FBXL20: variants seen among roughly 807,000 people sequenced by gnomAD.
The protein encoded by FBXL20 is F-box and leucine rich repeat protein 20.
In FBXL20, 11 loss-of-function variants were observed where a neutral mutation model predicts 64.0. The ratio of observed to expected loss-of-function variants is 0.17; its 90% CI spans 0.11 to 0.28. The LOEUF (loss-of-function observed/expected upper bound fraction) is 0.28. Ranked by LOEUF, FBXL20 falls within the 10% of genes least tolerant of loss-of-function variation. The probability of loss-of-function intolerance (pLI) is 1.00; values close to 1 mark genes in which losing one functional copy is unlikely to be tolerated. For missense variants in FBXL20, 303 were observed against 526.2 expected, an observed-to-expected ratio of 0.58 and a Z score of 4.15; for synonymous variants, 184 against 189.0, an observed-to-expected ratio of 0.97 and a Z score of 0.22.
chr17:39,323,848 C>T (rs893231021), intron 2 of FBXL20, among the ~76,000 whole-genome samples: 1 of 151,640 alleles, frequency 6.6e-6, no homozygotes, highest in South Asian at 2.1e-4. Context: ...TCTCGGCTCA[C>T]TGCAACCTCC....
At chr17:39,277,475 G>A (rs552736273) in intron 9 of FBXL20, among the ~76,000 whole-genome samples, 1 of 152,290 alleles carries the variant, frequency 6.6e-6, no homozygotes, top group South Asian at 2.1e-4. Flanking sequence ...AAAAATTGTA[G>A]GCCAGGCACG....
chr17:39,382,635 C>T lies in FBXL20; in HGVS notation c.42+18726G>A, dbSNP rs568869364. 4.6e-5 allele frequency among the ~76,000 whole-genome samples: 7 copies of T among 152,078 alleles called. No individual in the cohort carries two copies. In the South Asian group the frequency reaches 1.5e-3, roughly 32 times the overall value. ...ATCACTTGAGGCCAGGAGTTTTAGA[C>T]CAATCTGGGCAAGATAGGAGAGCCC... On this transcript the variant is annotated intron_variant, in intron 1 of 14. Transcript: ENST00000264658.
At chr17:39,292,709 T>C (rs991168910) in intron 6 of FBXL20, among the ~76,000 whole-genome samples, 2 of 152,092 alleles carry the variant, frequency 1.3e-5, no homozygotes, top group Admixed American at 6.6e-5. Flanking sequence ...AACCTCTGCC[T>C]CTTCCGGGTC....
At chr17:39,277,990 C>T (rs1029342107) in intron 9 of FBXL20, among the ~76,000 whole-genome samples, 1 of 152,036 alleles carries the variant, frequency 6.6e-6, no homozygotes, top group South Asian at 2.1e-4. Context: ...TGGTTCTTTA[C>T]GTTCACTGTG....
upstream of FBXL20, chr17:39,401,673 C>G (rs2048246939): frequency 7.7e-7 from 1 of 1,290,554 alleles, no homozygotes; most frequent in Non-Finnish European, 9.8e-7. Context: ...CACCTGCCAG[C>G]AACGCCGCTG....
At chr17:39,382,670 A>AT (rs900522353) in intron 1 of FBXL20, among the ~76,000 whole-genome samples, 4 of 149,028 alleles carry the variant, frequency 2.7e-5, no homozygotes, top group African/African-American at 7.4e-5. Flanking sequence ...CACTGCTACA[A>AT]TTTTTTTTTT....
chr17:39,381,337 G>A (rs193190174), intron 1 of FBXL20, among the ~76,000 whole-genome samples: 8 of 151,362 alleles, frequency 5.3e-5, no homozygotes, highest in Admixed American at 2.6e-4. Flanking sequence ...AAAATTAGCC[G>A]GGTGTGGTGG....
chr17:39,310,031 T>C (rs562604929), intron 2 of FBXL20, among the ~76,000 whole-genome samples: 12 of 151,364 alleles, frequency 7.9e-5, no homozygotes, highest in African/African-American at 1.9e-4. Context: ...CGTGTGCCTG[T>C]AGCCTCAGTT....
At chr17:39,310,852 G>C (rs1057265255) in intron 2 of FBXL20, among the ~76,000 whole-genome samples, 3 of 152,088 alleles carry the variant, frequency 2.0e-5, no homozygotes, top group Admixed American at 6.5e-5. Flanking sequence ...AGGCATGGTG[G>C]CACACGCCTG....
chr17:39,323,613 C>T (rs888474645), intron 2 of FBXL20, among the ~76,000 whole-genome samples: 1 of 152,112 alleles, frequency 6.6e-6, no homozygotes, highest in Non-Finnish European at 1.5e-5. Context: ...AAGAATACTA[C>T]TGACTTAATT....
intron 14 of FBXL20, 55 bp downstream of exon 14, chr17:39,264,116 AAAAG>A (rs1378180104): frequency 6.5e-7 from 1 of 1,537,204 alleles, no homozygotes; most frequent in South Asian, 1.2e-5. Flanking sequence ...AAAGGAAAAA[AAAAG>A]AGAGAAGAAA....
intron 2 of FBXL20, among the ~76,000 whole-genome samples, chr17:39,321,365 G>C (rs956994342): frequency 6.6e-6 from 1 of 151,046 alleles, no homozygotes; most frequent in Non-Finnish European, 1.5e-5. Context: ...GGCAGGAGTT[G>C]GAGGTTGAAC....
chr17:39,370,443 T>C (rs2047905634), intron 1 of FBXL20, among the ~76,000 whole-genome samples: 1 of 148,796 alleles, frequency 6.7e-6, no homozygotes, highest in South Asian at 2.1e-4. Flanking sequence ...TGAGCCAAGA[T>C]CAAGCCACTA....
At chr17:39,325,603 G>C (rs2047401546) in intron 2 of FBXL20, among the ~76,000 whole-genome samples, 1 of 152,084 alleles carries the variant, frequency 6.6e-6, no homozygotes, top group Non-Finnish European at 1.5e-5. Context: ...TTAGAAAATG[G>C]ATAGAAACCT....
chr17:39,373,007 CT>C (rs796497307), intron 1 of FBXL20, among the ~76,000 whole-genome samples: 175 of 145,564 alleles, frequency 1.2e-3, no homozygotes, highest in African/African-American at 3.3e-3. Flanking sequence ...TTTTTCTTTT[CT>C]TTTTTTTTTT....
chr17:39,303,571 C>T lies in FBXL20; in HGVS notation c.159+14G>A, dbSNP rs377185858. On this transcript the variant is annotated intron_variant, in intron 3 of 14. Transcript: ENST00000264658. ...AAGAAGGGGTCCCCCTGTAACTATG[C>T]CAACAATACTTACCCTGGAGACCTG... The T allele has an allele frequency of 1.2e-6, 2 of 1,602,604 alleles. No homozygotes were observed. The highest frequency in any genetic ancestry group is 8.5e-7 in the Non-Finnish European group (1 of 1,174,190).
chr17:39,392,259 G>A (rs2048141235), intron 1 of FBXL20, among the ~76,000 whole-genome samples: 1 of 152,008 alleles, frequency 6.6e-6, no homozygotes, highest in Non-Finnish European at 1.5e-5. Flanking sequence ...GGCCAACATG[G>A]TGAAACCCCA....
chr17:39,356,304 G>A (rs2047739137), intron 1 of FBXL20, among the ~76,000 whole-genome samples: 1 of 151,296 alleles, frequency 6.6e-6, no homozygotes. Flanking sequence ...TATGTGGTAT[G>A]AGGTGAGAGC....
intron 1 of FBXL20, among the ~76,000 whole-genome samples, chr17:39,366,933 G>T (rs1567898135): frequency 6.6e-6 from 1 of 150,592 alleles, no homozygotes; most frequent in Non-Finnish European, 1.5e-5. Flanking sequence ...AGCCAGGCTG[G>T]AGTGCAGTGG....
Sources: allele counts gnomAD v4.1 joint callset (sites outside exome capture counted in the v4.1 genomes callset), GRCh38; gene constraint gnomAD v4.1.1; transcripts MANE v1.5; gene names NCBI Gene and HGNC (gene_info 2026-07-23, HGNC 2026-07-21).